The following MAP3K20 variants were observed in gnomAD, a reference collection of about 807,000 sequenced individuals.
MAP3K20 encodes mitogen-activated protein kinase kinase kinase 20.
MAP3K20 carries 40 observed loss-of-function variants against 85.7 expected under a neutral mutation model. That is an observed-to-expected ratio of 0.47 (90% confidence interval 0.36 to 0.61). The LOEUF (loss-of-function observed/expected upper bound fraction) is 0.61. Ranked by LOEUF, MAP3K20 falls within the 20% of genes least tolerant of loss-of-function variation. MAP3K20 has a pLI of 0.00. For missense variants in MAP3K20, 817 were observed against 961.7 expected, an observed-to-expected ratio of 0.85 and a Z score of 1.99; for synonymous variants, 325 against 327.7, an observed-to-expected ratio of 0.99 and a Z score of 0.09.
chr2:173,110,610 A>G (rs979380401), intron 2 of MAP3K20, among the ~76,000 whole-genome samples: 15 of 151,868 alleles, frequency 9.9e-5, no homozygotes, highest in African/African-American at 3.6e-4. Context: ...AGCCCATTGC[A>G]TCATTCTTAT....
Position 173,263,735 on chromosome 2 carries a change from G to C in MAP3K20, c.1552-10G>C, listed in dbSNP as rs117458678. ...TTTTTTTTGTCTTTTTCGTTTGTTTGTTTTACCAGAGTGATGTTAGAACTC... is the reference window on the plus strand; with the variant it reads ...TTTTTTTTGTCTTTTTCGTTTGTTTCTTTTACCAGAGTGATGTTAGAACTC... On this transcript the variant is annotated splice_polypyrimidine_tract_variant and intron_variant, in intron 18 of 19. Transcript: ENST00000375213. 5 of 1,600,160 alleles carry C rather than the reference G, an allele frequency of 3.1e-6. No homozygotes were observed. Among genetic ancestry groups the C allele is most frequent in the Admixed American group, 1.8e-5 (1 of 56,118 alleles).
chr2:173,110,011 G>A (rs1486632707), intron 2 of MAP3K20, among the ~76,000 whole-genome samples: 1 of 151,362 alleles, frequency 6.6e-6, no homozygotes, highest in East Asian at 1.9e-4. Flanking sequence ...CTAGTTGGGG[G>A]ATGGGACGTG....
At chr2:173,214,239 G>A (rs191405170) in intron 10 of MAP3K20, 23 of 152,264 alleles carry the variant, frequency 1.5e-4, no homozygotes, top group African/African-American at 5.1e-4. Context: ...CTTTTCCTCA[G>A]TCATCAGATC....
intron 2 of MAP3K20, among the ~76,000 whole-genome samples, chr2:173,140,278 G>A (rs536548306): frequency 5.3e-5 from 8 of 152,048 alleles, no homozygotes; most frequent in Non-Finnish European, 7.4e-5. Flanking sequence ...CCAAAGTGCT[G>A]GGATTACAGG....
intron 9 of MAP3K20, among the ~76,000 whole-genome samples, chr2:173,206,476 C>T (rs1176491944): frequency 2.6e-5 from 4 of 152,202 alleles, no homozygotes; most frequent in South Asian, 2.1e-4. Flanking sequence ...TACCTGGCCA[C>T]GGCCCACATT....
Position 173,101,296 on chromosome 2 carries a change from T to C in MAP3K20, c.159+10106T>C, listed in dbSNP as rs186509681. 4.4e-3 allele frequency among the ~76,000 whole-genome samples: 675 copies of C among 152,360 alleles called. 6 individuals are homozygous for C. Among genetic ancestry groups the C allele is most frequent in the South Asian group, 0.03 (143 of 4,830 alleles). On this transcript the variant is annotated intron_variant, in intron 2 of 19. Transcript: ENST00000375213. ...CCCTAATCCTTCTTATGTTTGCTAC[T>C]TAGTCTTTAAAATTTTTAAAAATCC... is the stretch of plus-strand genomic sequence containing the variant.
intron 2 of MAP3K20, among the ~76,000 whole-genome samples, chr2:173,150,115 T>C (rs1689258797): frequency 6.6e-6 from 1 of 152,236 alleles, no homozygotes; most frequent in African/African-American, 2.4e-5. Flanking sequence ...TTCAGATTTG[T>C]TCTGCAAATG....
intron 9 of MAP3K20, among the ~76,000 whole-genome samples, chr2:173,207,920 TTC>T (rs1683744010): frequency 6.6e-6 from 1 of 152,104 alleles, no homozygotes; most frequent in African/African-American, 2.4e-5. Flanking sequence ...CAAGAGTAGG[TTC>T]TGACTATAAA....
chr2:173,134,223 C>T (rs1199931104), intron 2 of MAP3K20, among the ~76,000 whole-genome samples: 2 of 140,546 alleles, frequency 1.4e-5, no homozygotes, highest in Non-Finnish European at 3.1e-5. Flanking sequence ...CAGAATCTCG[C>T]TCTGTCCTCC....
chr2:173,264,025 A>G (rs779314128), intron 19 of MAP3K20, 130 bp downstream of exon 19: 4 of 1,306,532 alleles, frequency 3.1e-6, no homozygotes, highest in Non-Finnish European at 4.1e-6. Flanking sequence ...TTCGAGTAGC[A>G]GAAAACCCAG....
Position 173,239,481 on chromosome 2 carries a change from AG to A in MAP3K20, c.1346del (p.Gly449GlufsTer22). 1 of 1,612,648 alleles carries A rather than the reference AG, an allele frequency of 6.2e-7. No homozygotes were observed. Among genetic ancestry groups the A allele is most frequent in the Non-Finnish European group, 8.5e-7 (1 of 1,179,708 alleles). On this transcript the variant is annotated frameshift_variant, in exon 16 of 20. Transcript: ENST00000375213. LOFTEE classifies it high-confidence loss of function. ...TGGTTTTTGGTTTTCACTTGAAACC[AG>A]GAACTGGCCCACAGGTAAATCACAT... ...ELVFGFHLKPGTGPQDCKWKM... is the reference protein window; with the variant it reads ...ELVFGFHLKPXTGPQDCKWKM...
At chr2:173,197,383 A>G (rs535986907) in intron 7 of MAP3K20, among the ~76,000 whole-genome samples, 1 of 152,354 alleles carries the variant, frequency 6.6e-6, no homozygotes, top group African/African-American at 2.4e-5. Context: ...TTATATGTAT[A>G]GAAAGTGTTT....
intron 2 of MAP3K20, among the ~76,000 whole-genome samples, chr2:173,120,298 G>A (rs1367161279): frequency 6.6e-6 from 1 of 152,046 alleles, no homozygotes; most frequent in African/African-American, 2.4e-5. Flanking sequence ...TGAGTCCTCA[G>A]CAGTCCTGCC....
At chr2:173,254,733 A>G (rs1685121069) in intron 16 of MAP3K20, among the ~76,000 whole-genome samples, 1 of 152,206 alleles carries the variant, frequency 6.6e-6, no homozygotes, top group South Asian at 2.1e-4. Flanking sequence ...CTCACTGACA[A>G]TTTATGACTC....
chr2:173,206,264 A>G (rs1352744731), intron 9 of MAP3K20, among the ~76,000 whole-genome samples: 1 of 152,248 alleles, frequency 6.6e-6, no homozygotes, highest in South Asian at 2.1e-4. Context: ...TTACACAACA[A>G]GAACATTAGG....
intron 2 of MAP3K20, among the ~76,000 whole-genome samples, chr2:173,097,894 A>C (rs1687509325): frequency 6.6e-6 from 1 of 152,196 alleles, no homozygotes; most frequent in South Asian, 2.1e-4. Context: ...AATCAATATG[A>C]TATCGTTTAG....
intron 9 of MAP3K20, 70 bp from the exon 10 acceptor site, chr2:173,209,659 A>C: frequency 7.8e-7 from 1 of 1,282,896 alleles, no homozygotes; most frequent in Non-Finnish European, 1.1e-6. Context: ...TGCTTGTAGT[A>C]TCTACGTTTT....
chr2:173,207,688 T>G (rs1237706936), intron 9 of MAP3K20: 1 of 151,346 alleles, frequency 6.6e-6, no homozygotes, highest in Non-Finnish European at 1.5e-5. Flanking sequence ...AATAGAGAAA[T>G]AATGTATGTA....
At chr2:173,176,184 C>T (rs1356128665) in intron 3 of MAP3K20, among the ~76,000 whole-genome samples, 1 of 152,070 alleles carries the variant, frequency 6.6e-6, no homozygotes, top group Admixed American at 6.5e-5. Context: ...AGATCTTTGA[C>T]TGTATTATGC....
Sources: allele counts gnomAD v4.1 joint callset (sites outside exome capture counted in the v4.1 genomes callset), GRCh38; gene constraint gnomAD v4.1.1; transcripts MANE v1.5; gene names NCBI Gene and HGNC (gene_info 2026-07-23, HGNC 2026-07-21).